Variants in GHR observed in about 807,000 individuals in gnomAD.
The protein encoded by GHR is GH receptor.
Under a neutral mutation model 67.1 loss-of-function variants are expected in GHR, and 35 were observed. That is an observed-to-expected ratio of 0.52 (90% confidence interval 0.40 to 0.69). GHR has a LOEUF of 0.69. Among genes scored for constraint, GHR ranks in the 30% least tolerant of loss-of-function variants. The pLI, the probability that GHR is intolerant of heterozygous loss-of-function variation, is 0.00. For synonymous variants in GHR, 272 were observed against 269.1 expected, an observed-to-expected ratio of 1.01 and a Z score of -0.10; for missense variants, 792 against 764.6, an observed-to-expected ratio of 1.04 and a Z score of -0.42.
chr5:42,554,278 C>A (rs1241670153), intron 1 of GHR, among the ~76,000 whole-genome samples: 2 of 151,782 alleles, frequency 1.3e-5, no homozygotes, highest in African/African-American at 4.8e-5. Flanking sequence ...GAAGTTGAGG[C>A]TGAGGATGAG....
rs1757852302 is a variant in GHR, at chr5:42,699,916, C to T, written c.532C>T (p.Pro178Ser). The T allele has an allele frequency of 6.3e-7, 1 of 1,596,652 alleles. No homozygotes were observed. The highest frequency in any genetic ancestry group is 8.6e-7 in the Non-Finnish European group (1 of 1,164,208). Residue 178 changes from proline (P) to serine (S), a missense_variant, in exon 6 of 10, where the codon CCA (proline) becomes TCA (serine). Transcript: ENST00000230882. Reference protein sequence around the residue: ...HADIQVRWEAPRNADIQKGWM... With the variant: ...HADIQVRWEASRNADIQKGWM... ...AGATATCCAAGTGAGATGGGAAGCACCACGCAATGCAGATATTCAGAAAGG... is the reference window on the plus strand; with the variant it reads ...AGATATCCAAGTGAGATGGGAAGCATCACGCAATGCAGATATTCAGAAAGG...
At chr5:42,488,103 C>T (rs1745957610) in intron 1 of GHR, among the ~76,000 whole-genome samples, 1 of 152,196 alleles carries the variant, frequency 6.6e-6, no homozygotes, top group East Asian at 1.9e-4. Flanking sequence ...TTCCTTCAGC[C>T]TAGTTAGCCT....
At position 42,434,575 on chromosome 5, in the gene GHR, A is replaced by G. The variant is rs552894257; in HGVS notation, c.-12+10620A>G. ...TTCACAGTCTCAGTGACAGATTTAT[A>G]ACTCAATTCTTTTAGTTTTCTTTCA... On this transcript the variant is annotated intron_variant, in intron 1 of 9. Coordinates refer to ENST00000230882, the MANE Select transcript of GHR (RefSeq NM_000163.5). Among the ~76,000 whole-genome samples the G allele has an allele frequency of 2.6e-5, 4 of 152,332 alleles. No individual in the cohort carries two copies. The South Asian group carries it at 8.3e-4, about 32-fold the overall frequency.
At chr5:42,715,382 G>T (rs1348188730) in intron 8 of GHR, among the ~76,000 whole-genome samples, 1 of 152,202 alleles carries the variant, frequency 6.6e-6, no homozygotes, top group Non-Finnish European at 1.5e-5. Context: ...GGGCTGTAAA[G>T]TGGCGTCAGG....
intron 1 of GHR, among the ~76,000 whole-genome samples, chr5:42,554,981 T>G (rs73751209): frequency 0.027 from 4,118 of 152,262 alleles, 190 homozygotes; most frequent in African/African-American, 0.094. Flanking sequence ...CTATTAACAA[T>G]GAATGGTCCA....
At chr5:42,428,387 G>T (rs564009075) in intron 1 of GHR, among the ~76,000 whole-genome samples, 3 of 152,130 alleles carry the variant, frequency 2.0e-5, no homozygotes, top group African/African-American at 7.2e-5. Flanking sequence ...TTTTTCCCTC[G>T]TAGGCCTCTG....
At chr5:42,430,119 GGT>G (rs1305717192) in intron 1 of GHR, among the ~76,000 whole-genome samples, 13 of 152,210 alleles carry the variant, frequency 8.5e-5, no homozygotes. Context: ...TCCTGTTGTA[GGT>G]CTGGACAGGA....
At chr5:42,597,772 A>G (rs1375965225) in intron 2 of GHR, among the ~76,000 whole-genome samples, 2 of 152,202 alleles carry the variant, frequency 1.3e-5, no homozygotes, top group African/African-American at 2.4e-5. Context: ...AGAGACACTG[A>G]AATGACTGCC....
At chr5:42,697,451 G>C (rs187801046) in intron 5 of GHR, among the ~76,000 whole-genome samples, 30 of 152,296 alleles carry the variant, frequency 2.0e-4, no homozygotes, top group African/African-American at 7.2e-4. Context: ...GCAGTGTTGA[G>C]TTTTCAGGAT....
intron 2 of GHR, among the ~76,000 whole-genome samples, chr5:42,584,381 A>G (rs1407220152): frequency 1.3e-5 from 2 of 152,204 alleles, no homozygotes; most frequent in Non-Finnish European, 2.9e-5. Flanking sequence ...GGAGGAAAAG[A>G]CAGCAAAAGC....
At chr5:42,511,868 A>G (rs1346437933) in intron 1 of GHR, among the ~76,000 whole-genome samples, 2 of 152,178 alleles carry the variant, frequency 1.3e-5, no homozygotes, top group Admixed American at 6.5e-5. Flanking sequence ...CTGGAAAAAT[A>G]CTGTGATATG....
chr5:42,565,904 G>A lies in GHR; in HGVS notation c.30G>A (p.Leu10=). 1 of 1,614,050 alleles carries A rather than the reference G, an allele frequency of 6.2e-7. No individual in the cohort carries two copies. The change falls in exon 2 of 10, where the codon TTG becomes TTA. Residue 10 remains leucine, a synonymous_variant. Coordinates refer to ENST00000230882, the MANE Select transcript of GHR (RefSeq NM_000163.5). MDLWQLLLT[L]ALAGSSDAFS... ...ATCTCTGGCAGCTGCTGTTGACCTT[G>A]GCACTGGCAGGATCAAGTGATGCTT...
chr5:42,455,135 A>G (rs1225223925), intron 1 of GHR, among the ~76,000 whole-genome samples: 1 of 152,084 alleles, frequency 6.6e-6, no homozygotes, highest in Non-Finnish European at 1.5e-5. Flanking sequence ...AGGTAAGGTT[A>G]AATCCTTCTC....
chr5:42,530,050 G>T (rs1397542019), intron 1 of GHR, among the ~76,000 whole-genome samples: 1 of 66,150 alleles, frequency 1.5e-5, no homozygotes, highest in African/African-American at 6.4e-5. Flanking sequence ...TTTTTTTCCA[G>T]CTTTATTTAG....
chr5:42,711,327 C>G lies in GHR; in HGVS notation c.739C>G (p.Leu247Val). The part of the protein sequence containing the change: ...SGNYGEFSEV[L>V]YVTLPQMSQF... The stretch of plus-strand genomic sequence containing the variant: ...AAATTATGGCGAGTTCAGTGAGGTG[C>G]TCTATGTAACACTTCCTCAGATGAG... Residue 247 changes from leucine to valine, a missense_variant, in exon 7 of 10, where the codon CTC (leucine) becomes GTC (valine). By Grantham distance (32) the Leu-to-Val change is conservative. Transcript: ENST00000230882. 6.2e-7 allele frequency: 1 copy of G among 1,612,954 alleles called. No homozygotes were observed. The highest frequency in any genetic ancestry group is 8.5e-7 in the Non-Finnish European group (1 of 1,178,962).
chr5:42,483,465 C>G (rs1745744931), intron 1 of GHR, among the ~76,000 whole-genome samples: 1 of 148,754 alleles, frequency 6.7e-6, no homozygotes, highest in Non-Finnish European at 1.5e-5. Flanking sequence ...TTCTATGAGA[C>G]TTTAAAGATG....
At chr5:42,689,098 A>T in intron 4 of GHR, 79 bp downstream of exon 4, 1 of 1,200,264 alleles carries the variant, frequency 8.3e-7, no homozygotes, top group Non-Finnish European at 1.2e-6. Flanking sequence ...GTACTGTGGG[A>T]ATGGAAGTGA....
At chr5:42,711,448 G>A in intron 7 of GHR, 76 bp downstream of exon 7, 2 of 976,312 alleles carry the variant, frequency 2.0e-6, no homozygotes, top group Non-Finnish European at 3.3e-6. Flanking sequence ...CCCTGCACTG[G>A]TAGTGTGTTG....
chr5:42,572,618 C>T (rs1180458176), intron 2 of GHR, among the ~76,000 whole-genome samples: 1 of 152,182 alleles, frequency 6.6e-6, no homozygotes, highest in Non-Finnish European at 1.5e-5. Context: ...AGCTGCAAAT[C>T]CATTTTTTCT....
Sources: allele counts gnomAD v4.1 joint callset (sites outside exome capture counted in the v4.1 genomes callset), GRCh38; gene constraint gnomAD v4.1.1; transcripts MANE v1.5; gene names NCBI Gene and HGNC (gene_info 2026-07-23, HGNC 2026-07-21).